DST: variants seen among roughly 807,000 people sequenced by gnomAD.
DST encodes bullous pemphigoid antigen.
In DST, 253 loss-of-function variants were observed where a neutral mutation model predicts 875.2. The observed-to-expected ratio is 0.29, with a 90% CI of 0.26 to 0.32. The LOEUF (loss-of-function observed/expected upper bound fraction) is 0.32. DST is among the 10% of genes least tolerant of loss of function. The pLI, the probability that DST is intolerant of heterozygous loss-of-function variation, is 1.00. For synonymous variants in DST, 3,124 were observed against 3,197.1 expected (o/e 0.98, Z 0.77); for missense variants, 8,287 against 9,111.6 (o/e 0.91, Z 3.68).
chr6:56,831,776 A>T (rs1378882355), intron 4 of DST, among the ~76,000 whole-genome samples: 1 of 152,028 alleles, frequency 6.6e-6, no homozygotes, highest in Non-Finnish European at 1.5e-5. Flanking sequence ...ATCTCTTCCC[A>T]GTTTTTCCAG....
In DST at chr6:56,554,242, G is replaced by A. The variant is rs558956319; in HGVS notation, c.15137-587C>T. On this transcript the variant is annotated intron_variant, in intron 60 of 103. Coordinates refer to ENST00000680361, the MANE Select transcript of DST (RefSeq NM_001374736.1). ...TGGGACTACAGGCACCCGCCACCAC[G>A]CCCGGCTAATTTTTTGTATTTTTAG... Among the ~76,000 whole-genome samples, 353 of 151,540 alleles carry A rather than the reference G, an allele frequency of 2.3e-3. 1 individual carries two copies. The highest frequency in any genetic ancestry group is 7.8e-3 in the African/African-American group (324 of 41,296).
chr6:56,782,197 G>A (rs1204570157), intron 4 of DST, among the ~76,000 whole-genome samples: 1 of 152,128 alleles, frequency 6.6e-6, no homozygotes, highest in African/African-American at 2.4e-5. Flanking sequence ...TTTTGGTTGT[G>A]TCTCTGCCCG....
chr6:56,735,554 C>T (rs1203751359), intron 4 of DST, among the ~76,000 whole-genome samples: 1 of 147,192 alleles, frequency 6.8e-6, no homozygotes, highest in Admixed American at 6.7e-5. Flanking sequence ...CATAACCCCT[C>T]ATCACCACCA....
intron 59 of DST, among the ~76,000 whole-genome samples, chr6:56,556,518 C>T (rs556092035): frequency 1.3e-5 from 2 of 152,208 alleles, no homozygotes; most frequent in African/African-American, 4.8e-5. Context: ...GCAATTATTT[C>T]TCCCCAGATA....
intron 97 of DST, among the ~76,000 whole-genome samples, chr6:56,469,367 TAGAG>T: frequency 6.7e-6 from 1 of 148,214 alleles, no homozygotes; most frequent in Middle Eastern, 3.5e-3. Context: ...AAAAAAAAAA[TAGAG>T]AAAGAGTAAT....
At chr6:56,686,460 C>A (rs2099187864) in intron 9 of DST, among the ~76,000 whole-genome samples, 8 of 152,118 alleles carry the variant, frequency 5.3e-5, no homozygotes, top group Admixed American at 5.2e-4. Context: ...ATGGTTCCTT[C>A]CAAGGTATTT....
chr6:56,592,667 A>G (rs2098299922), intron 48 of DST, among the ~76,000 whole-genome samples: 1 of 152,230 alleles, frequency 6.6e-6, no homozygotes, highest in Non-Finnish European at 1.5e-5. Context: ...GGAGATTTTG[A>G]TACACCATGT....
intron 22 of DST, chr6:56,638,880 C>A (rs1251144714): frequency 3.6e-6 from 1 of 281,372 alleles, no homozygotes; most frequent in Admixed American, 5.0e-5. Flanking sequence ...ATTCTCATCA[C>A]AACTCTATGG....
intron 62 of DST, among the ~76,000 whole-genome samples, chr6:56,535,976 G>A (rs1248995361): frequency 2.0e-5 from 3 of 152,176 alleles, no homozygotes; most frequent in East Asian, 1.9e-4. Flanking sequence ...TGTGTTTAAG[G>A]TGCACTACAC....
At chr6:56,780,756 T>A (rs2099691809) in intron 4 of DST, among the ~76,000 whole-genome samples, 1 of 150,840 alleles carries the variant, frequency 6.6e-6, no homozygotes, top group African/African-American at 2.4e-5. Flanking sequence ...CAATTTTGGC[T>A]TTTGTTGCCA....
chr6:56,744,312 T>C (rs1379533687), intron 4 of DST, among the ~76,000 whole-genome samples: 2 of 152,058 alleles, frequency 1.3e-5, no homozygotes, highest in Non-Finnish European at 2.9e-5. Flanking sequence ...GGGATGAGAT[T>C]TCTGAGTTTA....
chr6:56,743,426 A>G (rs1407024001), intron 4 of DST, among the ~76,000 whole-genome samples: 4 of 152,178 alleles, frequency 2.6e-5, no homozygotes, highest in Non-Finnish European at 5.9e-5. Context: ...AAATGAATAA[A>G]TTGTACCAGA....
At chr6:56,495,056 T>A (rs986277625) in intron 82 of DST, among the ~76,000 whole-genome samples, 2 of 151,950 alleles carry the variant, frequency 1.3e-5, no homozygotes, top group Non-Finnish European at 2.9e-5. Flanking sequence ...GGTTTTGTAA[T>A]CACCACTAAC....
chr6:56,552,156 C>T (rs776523670), intron 61 of DST, 28 bp downstream of exon 61: 5 of 1,546,492 alleles, frequency 3.2e-6, no homozygotes, highest in Middle Eastern at 1.7e-4. Flanking sequence ...ACAATAAAAA[C>T]ACTGGGTAAA....
intron 3 of DST, among the ~76,000 whole-genome samples, chr6:56,894,370 T>C (rs1592174214): frequency 1.2e-5 from 1 of 82,868 alleles, no homozygotes; most frequent in African/African-American, 7.0e-5. Flanking sequence ...TCCCCCCACC[T>C]CCCTCCCGGA....
At chr6:56,726,884 G>A (rs926494238) in intron 5 of DST, among the ~76,000 whole-genome samples, 4 of 152,182 alleles carry the variant, frequency 2.6e-5, no homozygotes, top group Non-Finnish European at 5.9e-5. Context: ...ATATGCTAGA[G>A]GCCGCAGATG....
Position 56,640,331 on chromosome 6 carries a change from G to A in DST, c.2302C>T (p.Pro768Ser), listed in dbSNP as rs200526721. 2.5e-6 allele frequency: 4 copies of A among 1,614,170 alleles called. No homozygotes were observed. In the African/African-American group the frequency reaches 5.3e-5, roughly 22 times the overall value. ...LTPSVTPAYT[P>S]GFPSGLVPNF... ...GGAACTAATCCTGATGGGAAACCAGGTGTATAAGCTGGAGTGACAGATGGA... is the reference window on the plus strand; with the variant it reads ...GGAACTAATCCTGATGGGAAACCAGATGTATAAGCTGGAGTGACAGATGGA... The change falls in exon 18 of 104, where the codon CCT becomes TCT. Residue 768 changes from proline (P) to serine (S), a missense_variant. By Grantham distance (74) the Pro-to-Ser change is moderately conservative. This residue lies in a region of DST where 1,160 missense variants were observed against 1,424.3 expected (regional missense o/e 0.81). Coordinates refer to ENST00000680361, the MANE Select transcript of DST (RefSeq NM_001374736.1).
At chr6:56,501,788 T>G in intron 78 of DST, 95 bp from the exon 79 acceptor site, 1 of 908,794 alleles carries the variant, frequency 1.1e-6, no homozygotes, top group Non-Finnish European at 1.6e-6. Context: ...TAATTCACAC[T>G]ACTTACTGAG....
intron 5 of DST, among the ~76,000 whole-genome samples, chr6:56,718,255 C>G (rs1407033271): frequency 6.6e-6 from 1 of 152,058 alleles, no homozygotes; most frequent in Non-Finnish European, 1.5e-5. Context: ...AGGCAAAGAT[C>G]TGAACAGGCA....
Sources: gnomAD v4.1 joint callset for allele counts (sites outside exome capture counted in the v4.1 genomes callset) on GRCh38, gnomAD v4.1.1 for gene constraint, gnomAD v4.1.1 regional missense constraint, MANE v1.5 for transcripts, NCBI Gene and HGNC (gene_info 2026-07-23, HGNC 2026-07-21) for gene names.